The following CNTNAP3 variants were observed in gnomAD, a reference collection of about 807,000 sequenced individuals.
CNTNAP3 encodes contactin associated protein family member 3, also known as contactin-associated protein-like 3.
In CNTNAP3, 36 loss-of-function variants were observed where a neutral mutation model predicts 92.1. The ratio of observed to expected loss-of-function variants is 0.39; its 90% CI spans 0.30 to 0.52. The LOEUF (loss-of-function observed/expected upper bound fraction) is 0.52. CNTNAP3 is among the 20% of genes least tolerant of loss of function. CNTNAP3 has a pLI of 0.76. For missense variants in CNTNAP3, 534 were observed against 1,069.6 expected (o/e 0.50, Z 6.98); for synonymous variants, 232 against 422.3 (o/e 0.55, Z 5.53).
At chr9:39,123,045 A>G (rs1434425138) in intron 13 of CNTNAP3, among the ~76,000 whole-genome samples, 1 of 152,028 alleles carries the variant, frequency 6.6e-6, no homozygotes, top group Non-Finnish European at 1.5e-5. Context: ...ACACAAAGAG[A>G]AAAAGAATGA....
intron 23 of CNTNAP3, among the ~76,000 whole-genome samples, chr9:39,077,165 G>C (rs564739091): frequency 6.6e-6 from 1 of 152,266 alleles, no homozygotes; most frequent in Admixed American, 6.5e-5. Context: ...TCCAAAGTAT[G>C]ATTAAAAGTG....
chr9:39,112,548 T>G lies in CNTNAP3; in HGVS notation c.2238-3261A>C, dbSNP rs548332524. 6.9e-4 allele frequency among the ~76,000 whole-genome samples: 105 copies of G among 152,202 alleles called. 1 individual carries two copies. Among genetic ancestry groups the G allele is most frequent in the South Asian group, 6.2e-3 (30 of 4,832 alleles). On this transcript the variant is annotated intron_variant, in intron 14 of 23. Coordinates refer to ENST00000297668, the MANE Select transcript of CNTNAP3 (RefSeq NM_033655.5). ...GCTCAGCTAATTTTTGTATTTTTAG[T>G]ATAGACGGGGTTTCACCATGTTGGT...
At chr9:39,147,515 T>C (rs1452543171) in intron 10 of CNTNAP3, among the ~76,000 whole-genome samples, 3 of 152,194 alleles carry the variant, frequency 2.0e-5, no homozygotes, top group Non-Finnish European at 2.9e-5. Flanking sequence ...TTACTGACTT[T>C]GGGAATGAAA....
At chr9:39,083,320 C>T (rs1825988701) in intron 21 of CNTNAP3, among the ~76,000 whole-genome samples, 1 of 151,958 alleles carries the variant, frequency 6.6e-6, no homozygotes, top group Non-Finnish European at 1.5e-5. Flanking sequence ...AAGGCATCTT[C>T]CATTTTTGCA....
At chr9:39,114,661 G>A (rs1758552) in intron 14 of CNTNAP3, among the ~76,000 whole-genome samples, 4 of 152,038 alleles carry the variant, frequency 2.6e-5, no homozygotes, top group South Asian at 2.1e-4. Flanking sequence ...AAAATCTAAT[G>A]TCTGGTTTTT....
At chr9:39,114,025 C>CACAT (rs1820785471) in intron 14 of CNTNAP3, among the ~76,000 whole-genome samples, 5 of 135,662 alleles carry the variant, frequency 3.7e-5, no homozygotes, top group Non-Finnish European at 8.4e-5. Context: ...CATATATATA[C>CACAT]ACACATATAT....
chr9:39,137,166 G>T (rs1240128922), intron 12 of CNTNAP3, among the ~76,000 whole-genome samples: 1 of 151,580 alleles, frequency 6.6e-6, no homozygotes, highest in Non-Finnish European at 1.5e-5. Flanking sequence ...TTATGTTCTG[G>T]GTTTTCTTTT....
intron 18 of CNTNAP3, among the ~76,000 whole-genome samples, chr9:39,093,577 C>T (rs918161943): frequency 7.3e-5 from 11 of 151,306 alleles, no homozygotes; most frequent in African/African-American, 2.7e-4. Context: ...TTTGTCTCTA[C>T]AAATTTGTCT....
chr9:39,142,955 A>C (rs1821612221), intron 11 of CNTNAP3, among the ~76,000 whole-genome samples: 1 of 152,036 alleles, frequency 6.6e-6, no homozygotes, highest in South Asian at 2.1e-4. Context: ...CAGGATGAGC[A>C]AGTGGAACTG....
chr9:39,107,893 T>A (rs1826645575), intron 15 of CNTNAP3, among the ~76,000 whole-genome samples: 1 of 151,978 alleles, frequency 6.6e-6, no homozygotes, highest in Non-Finnish European at 1.5e-5. Context: ...TTAGAAAAAA[T>A]TAACAGAATA....
At chr9:39,106,404 C>A (rs1826607097) in intron 15 of CNTNAP3, 3 of 152,144 alleles carry the variant, frequency 2.0e-5, no homozygotes. Flanking sequence ...GATCATCTCA[C>A]CTAAGCCTTC....
intron 12 of CNTNAP3, among the ~76,000 whole-genome samples, chr9:39,137,361 A>C (rs1336312690): frequency 3.3e-5 from 5 of 152,036 alleles, no homozygotes; most frequent in African/African-American, 1.2e-4. Context: ...TGCTTCTTAG[A>C]ATTTCCATCT....
At chr9:39,082,992 A>C (rs1449196089) in intron 21 of CNTNAP3, among the ~76,000 whole-genome samples, 1 of 152,080 alleles carries the variant, frequency 6.6e-6, no homozygotes, top group Non-Finnish European at 1.5e-5. Flanking sequence ...CCAACATAAA[A>C]CATTTCTTCT....
At position 39,069,021 on chromosome 9, in the gene CNTNAP3, C is replaced by CACATAT. The variant is rs1554712424; in HGVS notation, c.*4868_*4869insATATGT. On this transcript the variant is annotated 3_prime_UTR_variant, in exon 24 of 24. Coordinates refer to ENST00000297668, the MANE Select transcript of CNTNAP3 (RefSeq NM_033655.5). ...ATATGTAAGTATAAACACACATACA[C>CACATAT]ATATATATATGTATGTATATAACAC... is the stretch of plus-strand genomic sequence containing the variant. 2.0e-3 allele frequency among the ~76,000 whole-genome samples: 297 copies of CACATAT among 149,988 alleles called. No individual in the cohort carries two copies. Among genetic ancestry groups the CACATAT allele is most frequent in the African/African-American group, 6.5e-3 (264 of 40,836 alleles).
intron 15 of CNTNAP3, among the ~76,000 whole-genome samples, chr9:39,107,303 G>C (rs1274294085): frequency 6.6e-6 from 1 of 151,418 alleles, no homozygotes; most frequent in African/African-American, 2.4e-5. Context: ...GAGAGGGAGG[G>C]AGGGAGTGGG....
intron 18 of CNTNAP3, among the ~76,000 whole-genome samples, chr9:39,095,533 G>C (rs1404141303): frequency 7.0e-6 from 1 of 142,312 alleles, no homozygotes; most frequent in Non-Finnish European, 1.6e-5. Flanking sequence ...AATCATGAAA[G>C]GTTACTGGAG....
intron 21 of CNTNAP3, among the ~76,000 whole-genome samples, chr9:39,082,296 T>G (rs1355052198): frequency 6.6e-6 from 1 of 151,516 alleles, no homozygotes. Flanking sequence ...TGACTTATAC[T>G]TTCAAAGATC....
chr9:39,083,250 C>T (rs1825987121), intron 21 of CNTNAP3, among the ~76,000 whole-genome samples: 1 of 152,088 alleles, frequency 6.6e-6, no homozygotes, highest in Admixed American at 6.5e-5. Flanking sequence ...ATAAGCTCAG[C>T]TGTATTCATA....
chr9:39,095,451 T>C (rs549113804), intron 18 of CNTNAP3, among the ~76,000 whole-genome samples: 143 of 150,890 alleles, frequency 9.5e-4, no homozygotes, highest in African/African-American at 3.3e-3. Flanking sequence ...ATTGCAGGTT[T>C]TTCATATATG....
Sources: allele counts gnomAD v4.1 joint callset (sites outside exome capture counted in the v4.1 genomes callset), GRCh38; gene constraint gnomAD v4.1.1; transcripts MANE v1.5; gene names NCBI Gene and HGNC (gene_info 2026-07-23, HGNC 2026-07-21).